The following RAP2A variants were observed in gnomAD, a reference collection of about 807,000 sequenced individuals.
RAP2A encodes the protein ras-related protein Rap-2a.
In RAP2A, 5 loss-of-function variants were observed where a neutral mutation model predicts 15.1. The ratio of observed to expected loss-of-function variants is 0.33; its 90% CI spans 0.17 to 0.70. The LOEUF (loss-of-function observed/expected upper bound fraction) is 0.70. Ranked by LOEUF, RAP2A falls within the 30% of genes least tolerant of loss-of-function variation. The probability of loss-of-function intolerance (pLI) is 0.68; values close to 1 mark genes in which losing one functional copy is unlikely to be tolerated. For missense variants in RAP2A, 111 were observed against 240.3 expected (o/e 0.46, Z 3.56); for synonymous variants, 110 against 99.7 (o/e 1.10, Z -0.62).
chr13:97,459,911 T>C (rs1442933659), intron 1 of RAP2A, among the ~76,000 whole-genome samples: 1 of 152,260 alleles, frequency 6.6e-6, no homozygotes, highest in Non-Finnish European at 1.5e-5. Flanking sequence ...TAGCACTTAG[T>C]ATATAAATAT....
At position 97,464,682 on chromosome 13, in the gene RAP2A, T is replaced by TC. The variant is rs1349592731; in HGVS notation, c.*242dup. On this transcript the variant is annotated 3_prime_UTR_variant, in exon 2 of 2. Coordinates refer to ENST00000245304, the MANE Select transcript of RAP2A (RefSeq NM_021033.7). ...ATGCATCTGCAACTTTAAGGCATAG[T>TC]CCATCGATCTACAGGGTGATCTCAT... The TC allele has an allele frequency of 5.6e-6, 3 of 539,300 alleles. No individual in the cohort carries two copies. In the African/African-American group the frequency reaches 5.7e-5, roughly 10 times the overall value. 33.4% of individuals were successfully genotyped at this position (539,300 alleles called of 1,614,324 possible).
At chr13:97,449,081 A>G (rs756752474) in intron 1 of RAP2A, among the ~76,000 whole-genome samples, 12 of 151,912 alleles carry the variant, frequency 7.9e-5, no homozygotes, top group Non-Finnish European at 1.8e-4. Flanking sequence ...CAACAAAGTG[A>G]CCGCATTCCA....
intron 1 of RAP2A, among the ~76,000 whole-genome samples, chr13:97,439,942 A>C (rs1291245650): frequency 6.6e-6 from 1 of 152,114 alleles, no homozygotes; most frequent in Admixed American, 6.6e-5. Context: ...TTAAGTGGTC[A>C]CTTTCAAGTG....
At position 97,434,430 on chromosome 13, in the gene RAP2A, A is replaced by C; in HGVS notation, c.-41A>C. The stretch of plus-strand genomic sequence containing the variant: ...GGCGCAGCGCGGCCGGCGTAGGTCT[A>C]TGTCGCGGGCGGCGGCGGCGGCGGC... On this transcript the variant is annotated 5_prime_UTR_variant, in exon 1 of 2. It removes an upstream start codon present in the reference 5' UTR. Coordinates refer to ENST00000245304, the MANE Select transcript of RAP2A (RefSeq NM_021033.7). 2 of 1,529,464 alleles carry C rather than the reference A, an allele frequency of 1.3e-6. No homozygotes were observed. The highest frequency in any genetic ancestry group is 1.8e-6 in the Non-Finnish European group (2 of 1,139,378). The allele number at this position is 1,529,464 out of a possible 1,614,324, so 94.7% of individuals were successfully genotyped here.
At chr13:97,457,377 A>C (rs925715249) in intron 1 of RAP2A, among the ~76,000 whole-genome samples, 2 of 152,032 alleles carry the variant, frequency 1.3e-5, no homozygotes, top group African/African-American at 4.8e-5. Context: ...ATATGCATTA[A>C]TGGAGTACAG....
At chr13:97,440,235 A>AC (rs1398634831) in intron 1 of RAP2A, among the ~76,000 whole-genome samples, 1 of 152,058 alleles carries the variant, frequency 6.6e-6, no homozygotes, top group Admixed American at 6.5e-5. Context: ...GCTGTGGGTC[A>AC]CTTTTTTTTT....
chr13:97,454,942 A>G lies in RAP2A; in HGVS notation c.315-9263A>G, dbSNP rs185053938. Reference sequence around the variant, plus strand: ...CATTTAGTATTGTAAAGATTGTTCTACTGTCTTCTGGCATCTGTGGTTTCT... The same window carrying G: ...CATTTAGTATTGTAAAGATTGTTCTGCTGTCTTCTGGCATCTGTGGTTTCT... On this transcript the variant is annotated intron_variant, in intron 1 of 1. Coordinates refer to ENST00000245304, the MANE Select transcript of RAP2A (RefSeq NM_021033.7). Among the ~76,000 whole-genome samples, 5 of 151,292 alleles carry G rather than the reference A, an allele frequency of 3.3e-5. 1 individual carries two copies. The South Asian group carries it at 1.0e-3, about 32-fold the overall frequency.
chr13:97,447,933 T>C (rs2066686242), intron 1 of RAP2A, among the ~76,000 whole-genome samples: 1 of 152,072 alleles, frequency 6.6e-6, no homozygotes, highest in African/African-American at 2.4e-5. Flanking sequence ...GAAACAAGAC[T>C]TTAGCTCAAA....
intron 1 of RAP2A, among the ~76,000 whole-genome samples, chr13:97,436,329 C>T (rs536768852): frequency 1.3e-5 from 2 of 152,064 alleles, no homozygotes; most frequent in South Asian, 4.1e-4. Context: ...TTCTTATTAC[C>T]CCCTCCCCCA....
At chr13:97,447,377 G>A (rs899673188) in intron 1 of RAP2A, among the ~76,000 whole-genome samples, 1 of 152,204 alleles carries the variant, frequency 6.6e-6, no homozygotes, top group Non-Finnish European at 1.5e-5. Flanking sequence ...GTTTATAAAA[G>A]TAATTGATGT....
chr13:97,465,926 A>G lies in RAP2A; in HGVS notation c.*1484A>G, dbSNP rs2066768689. On this transcript the variant is annotated 3_prime_UTR_variant, in exon 2 of 2. Transcript: ENST00000245304. ...TGCAATATCACTGAGCCTGCGATCT[A>G]TACACCACCCCACATTTTGTTGGTT... 6.6e-6 allele frequency: 1 copy of G among 152,126 alleles called. No individual in the cohort carries two copies. 9.4% of individuals were successfully genotyped at this position (152,126 alleles called of 1,614,324 possible).
At chr13:97,439,490 C>A (rs1594321875) in intron 1 of RAP2A, among the ~76,000 whole-genome samples, 1 of 152,132 alleles carries the variant, frequency 6.6e-6, no homozygotes, top group South Asian at 2.1e-4. Context: ...TCAGAAGTAA[C>A]CTTGACATTT....
At position 97,434,662 on chromosome 13, in the gene RAP2A, C is replaced by T. The variant is rs2066624994; in HGVS notation, c.192C>T (p.Phe64=). Residue 64 remains phenylalanine (F), a synonymous_variant, in exon 1 of 2, where the codon TTC becomes TTT. Coordinates refer to ENST00000245304, the MANE Select transcript of RAP2A (RefSeq NM_021033.7). ...EILDTAGTEQ[F]ASMRDLYIKN... ...TGGACACGGCGGGCACCGAGCAGTT[C>T]GCGTCCATGCGGGACCTGTACATCA... 6.2e-7 allele frequency: 1 copy of T among 1,614,130 alleles called. No individual in the cohort carries two copies. Among genetic ancestry groups the T allele is most frequent in the Non-Finnish European group, 8.5e-7 (1 of 1,180,006 alleles).
chr13:97,462,366 G>C (rs2066751636), intron 1 of RAP2A, among the ~76,000 whole-genome samples: 1 of 152,134 alleles, frequency 6.6e-6, no homozygotes, highest in Non-Finnish European at 1.5e-5. Flanking sequence ...GGCAGTGTCT[G>C]CTCCCTGCCA....
intron 1 of RAP2A, among the ~76,000 whole-genome samples, chr13:97,445,741 T>C (rs2066676980): frequency 6.6e-6 from 1 of 152,166 alleles, no homozygotes; most frequent in African/African-American, 2.4e-5. Context: ...ATGGGAATAC[T>C]GTGATCCACC....
intron 1 of RAP2A, among the ~76,000 whole-genome samples, chr13:97,435,357 TC>T (rs2066628776): frequency 6.6e-6 from 1 of 151,466 alleles, no homozygotes; most frequent in Admixed American, 6.6e-5. Flanking sequence ...AAATGGGGTT[TC>T]GAGAATATTA....
At chr13:97,443,372 C>T (rs2066665985) in intron 1 of RAP2A, among the ~76,000 whole-genome samples, 1 of 152,180 alleles carries the variant, frequency 6.6e-6, no homozygotes, top group African/African-American at 2.4e-5. Flanking sequence ...CTTTACAGCT[C>T]TCTCTCTGTA....
At chr13:97,452,685 C>T (rs2066707698) in intron 1 of RAP2A, among the ~76,000 whole-genome samples, 1 of 150,442 alleles carries the variant, frequency 6.6e-6, no homozygotes, top group African/African-American at 2.4e-5. Flanking sequence ...ACGGAACCTT[C>T]TGGCATTTTG....
chr13:97,434,434 C>T lies in RAP2A; in HGVS notation c.-37C>T, dbSNP rs1480156023. 6 of 1,542,092 alleles carry T rather than the reference C, an allele frequency of 3.9e-6. No homozygotes were observed. Among genetic ancestry groups the T allele is most frequent in the Non-Finnish European group, 5.2e-6 (6 of 1,144,994 alleles). On this transcript the variant is annotated 5_prime_UTR_variant, in exon 1 of 2. Transcript: ENST00000245304. ...CAGCGCGGCCGGCGTAGGTCTATGTCGCGGGCGGCGGCGGCGGCGGCGGCC... is the reference window on the plus strand; with the variant it reads ...CAGCGCGGCCGGCGTAGGTCTATGTTGCGGGCGGCGGCGGCGGCGGCGGCC...
Sources: gnomAD v4.1 joint callset for allele counts (sites outside exome capture counted in the v4.1 genomes callset) on GRCh38, gnomAD v4.1.1 for gene constraint, MANE v1.5 for transcripts, NCBI Gene and HGNC (gene_info 2026-07-23, HGNC 2026-07-21) for gene names.